Variants in RBPJ observed in about 807,000 individuals in gnomAD.
RBPJ encodes the protein recombination signal binding protein for immunoglobulin kappa J region.
A neutral mutation model predicts 67.8 loss-of-function variants in RBPJ; 9 were observed. The ratio of observed to expected loss-of-function variants is 0.13; its 90% CI spans 0.08 to 0.23. RBPJ has a LOEUF of 0.23. Among genes scored for constraint, RBPJ ranks in the 10% least tolerant of loss-of-function variants. The probability of loss-of-function intolerance (pLI) is 1.00; values close to 1 mark genes in which losing one functional copy is unlikely to be tolerated. For synonymous variants in RBPJ, 198 were observed against 203.3 expected (o/e 0.97, Z 0.22); for missense variants, 305 against 595.6 (o/e 0.51, Z 5.08).
chr4:26,179,107 G>T (rs571139603), intron 1 of RBPJ, among the ~76,000 whole-genome samples: 48 of 152,164 alleles, frequency 3.2e-4, no homozygotes, highest in African/African-American at 1.1e-3. Context: ...CAGTCCCAGT[G>T]GTTGGAAGAT....
At chr4:26,281,670 A>G (rs905652635) in intron 1 of RBPJ, among the ~76,000 whole-genome samples, 30 of 152,220 alleles carry the variant, frequency 2.0e-4, no homozygotes, top group African/African-American at 5.8e-4. Flanking sequence ...CTTTGCAGTC[A>G]CTTTTAGTAG....
chr4:26,246,415 G>T (rs1161080608), intron 1 of RBPJ, among the ~76,000 whole-genome samples: 2 of 152,122 alleles, frequency 1.3e-5, no homozygotes, highest in African/African-American at 4.8e-5. Context: ...TAACATTTAA[G>T]AATGTAAGGG....
At chr4:26,405,965 A>G (rs986830580) in intron 2 of RBPJ, among the ~76,000 whole-genome samples, 1 of 152,226 alleles carries the variant, frequency 6.6e-6, no homozygotes, top group Admixed American at 6.5e-5. Context: ...AGAACAAGGA[A>G]TAGAATTGAA....
chr4:26,131,924 C>T, the RBPJ span, among the ~76,000 whole-genome samples: 1 of 152,188 alleles, frequency 6.6e-6, no homozygotes, highest in Non-Finnish European at 1.5e-5. Context: ...GAAGGCAATC[C>T]CCGAGGAAGT....
chr4:26,162,694 C>T (rs950267807), upstream of RBPJ, among the ~76,000 whole-genome samples: 6 of 152,320 alleles, frequency 3.9e-5, no homozygotes, highest in East Asian at 1.2e-3. Context: ...GGCAAGACCA[C>T]GATGTCTTAG....
chr4:26,433,175 A>G lies in RBPJ; in HGVS notation c.*2168A>G, dbSNP rs958317902. ...CTCACACCTTAAATCTGTTTCAGTGATCAAGGGCAGAACTCATTGTGGCCT... is the reference window on the plus strand; with the variant it reads ...CTCACACCTTAAATCTGTTTCAGTGGTCAAGGGCAGAACTCATTGTGGCCT... On this transcript the variant is annotated 3_prime_UTR_variant, in exon 11 of 11. Coordinates refer to ENST00000355476, the MANE Select transcript of RBPJ (RefSeq NM_015874.6). 2.6e-5 allele frequency: 4 copies of G among 152,166 alleles called. No individual in the cohort carries two copies. The highest frequency in any genetic ancestry group is 9.7e-5 in the African/African-American group (4 of 41,434). 9.4% of individuals were successfully genotyped at this position (152,166 alleles called of 1,614,324 possible).
chr4:26,368,126 C>G (rs1728803487), intron 1 of RBPJ: 1 of 152,174 alleles, frequency 6.6e-6, no homozygotes, highest in South Asian at 2.1e-4. Context: ...GATAAATAAC[C>G]TCTCCCAATC....
upstream of RBPJ, among the ~76,000 whole-genome samples, chr4:26,314,910 G>C (rs949494421): frequency 6.6e-6 from 1 of 151,762 alleles, no homozygotes; most frequent in Non-Finnish European, 1.5e-5. Flanking sequence ...ATTTTGGGAG[G>C]CTGAGGTGGG....
chr4:26,159,334 A>G (rs971013770), upstream of RBPJ, among the ~76,000 whole-genome samples: 11 of 152,178 alleles, frequency 7.2e-5, no homozygotes, highest in African/African-American at 2.7e-4. Flanking sequence ...CACAAGTTCC[A>G]GTTTTTCCAC....
chr4:26,189,003 A>T (rs1274625976), intron 1 of RBPJ, among the ~76,000 whole-genome samples: 1 of 152,228 alleles, frequency 6.6e-6, no homozygotes, highest in South Asian at 2.1e-4. Context: ...AGAAGGCAAG[A>T]TAGTCTTTCC....
intron 1 of RBPJ, among the ~76,000 whole-genome samples, chr4:26,281,467 A>T (rs1018843035): frequency 2.6e-5 from 4 of 152,084 alleles, no homozygotes; most frequent in Non-Finnish European, 5.9e-5. Flanking sequence ...TTTAGTAGAC[A>T]TGGGGTTTCA....
intron 3 of RBPJ, among the ~76,000 whole-genome samples, chr4:26,408,312 A>AGT (rs1733677313): frequency 2.6e-5 from 4 of 152,238 alleles, no homozygotes; most frequent in African/African-American, 9.6e-5. Context: ...AATACAACTT[A>AGT]AACACTGATT....
chr4:26,320,040 C>T (rs1192932091), upstream of RBPJ: 1 of 657,024 alleles, frequency 1.5e-6, no homozygotes, highest in Non-Finnish European at 2.7e-6. Context: ...TCGGGTGGCC[C>T]GGTTCCCTGT....
rs935443635 is a variant in RBPJ at position 26,433,720 on chromosome 4, T to G, written c.*2713T>G. The G allele has an allele frequency of 6.6e-6, 1 of 152,190 alleles. No homozygotes were observed. Among genetic ancestry groups the G allele is most frequent in the Non-Finnish European group, 1.5e-5 (1 of 68,016 alleles). 9.4% of individuals were successfully genotyped at this position (152,190 alleles called of 1,614,324 possible). ...TGATTTGTCCATTGTAGCTTATTGT[T>G]TATCAGTAGTTCTTTTGTCAGCTGC... On this transcript the variant is annotated 3_prime_UTR_variant, in exon 11 of 11. Coordinates refer to ENST00000355476, the MANE Select transcript of RBPJ (RefSeq NM_015874.6).
At chr4:26,246,044 G>A (rs753483188) in intron 1 of RBPJ, among the ~76,000 whole-genome samples, 1 of 152,122 alleles carries the variant, frequency 6.6e-6, no homozygotes, top group South Asian at 2.1e-4. Flanking sequence ...TAGTTATTCT[G>A]AGCCCCTTTC....
Position 26,429,934 on chromosome 4 carries a change from A to G in RBPJ, c.925A>G (p.Ile309Val), listed in dbSNP as rs1279173621. The change falls in exon 9 of 11, where the codon ATA (isoleucine) becomes GTA (valine). Residue 309 changes from isoleucine to valine, a missense_variant. Around this residue, in one of 7 missense-constraint regions of RBPJ, gnomAD observed 66 missense variants for 226.0 expected, o/e 0.29. Coordinates refer to ENST00000355476, the MANE Select transcript of RBPJ (RefSeq NM_015874.6). The stretch of plus-strand genomic sequence containing the variant: ...TCCAAAAGAACCAAATAAAGAGATG[A>G]TAAATGATGGCGCTTCCTGGACAAT... Reference protein sequence around the residue: ...PCPKEPNKEMINDGASWTIIS... With the variant: ...PCPKEPNKEMVNDGASWTIIS... 1 of 1,613,512 alleles carries G rather than the reference A, an allele frequency of 6.2e-7. No individual in the cohort carries two copies. The highest frequency in any genetic ancestry group is 8.5e-7 in the Non-Finnish European group (1 of 1,179,946).
At chr4:26,305,626 T>C (rs796289756) in intron 1 of RBPJ, among the ~76,000 whole-genome samples, 4 of 152,238 alleles carry the variant, frequency 2.6e-5, no homozygotes, top group African/African-American at 9.6e-5. Context: ...TGGGATTGTT[T>C]TCTTAGTTTA....
intron 3 of RBPJ, 134 bp from the exon 4 acceptor site, chr4:26,415,341 A>G: frequency 1.3e-6 from 1 of 747,082 alleles, no homozygotes; most frequent in Non-Finnish European, 2.1e-6. Context: ...AAAAGGCTTC[A>G]CCAAAATTTT....
At chr4:26,113,398 G>T in the RBPJ span, 1 of 535,762 alleles carries the variant, frequency 1.9e-6, no homozygotes, top group Non-Finnish European at 3.6e-6. Flanking sequence ...ACACAGGAGA[G>T]AAACCCTATG....
Sources: gnomAD v4.1 joint callset for allele counts (sites outside exome capture counted in the v4.1 genomes callset) on GRCh38, gnomAD v4.1.1 for gene constraint, gnomAD v4.1.1 regional missense constraint, MANE v1.5 for transcripts, NCBI Gene and HGNC (gene_info 2026-07-23, HGNC 2026-07-21) for gene names.